Variants in EHF observed in about 807,000 individuals in gnomAD.
The protein encoded by EHF is ETS homologous factor.
A neutral mutation model predicts 45.1 loss-of-function variants in EHF; 14 were observed. The observed-to-expected ratio is 0.31, with a 90% confidence interval of 0.21 to 0.49. EHF has a LOEUF of 0.49. Ranked by LOEUF, EHF falls within the 20% of genes least tolerant of loss-of-function variation. The pLI, the probability that EHF is intolerant of heterozygous loss-of-function variation, is 0.99. For synonymous variants in EHF, 136 were observed against 131.8 expected, an observed-to-expected ratio of 1.03 and a Z score of -0.22; for missense variants, 282 against 371.4, an observed-to-expected ratio of 0.76 and a Z score of 1.98.
intron 6 of EHF, among the ~76,000 whole-genome samples, chr11:34,653,400 C>T (rs184212542): frequency 6.6e-6 from 1 of 152,178 alleles, no homozygotes; most frequent in Non-Finnish European, 1.5e-5. Context: ...TCAATAGGGG[C>T]CTTAGAGGCC....
chr11:34,624,310 C>T, intron 1 of EHF: 2 of 985,424 alleles, frequency 2.0e-6, no homozygotes, highest in African/African-American at 3.5e-5. Context: ...CTGTGGCTTT[C>T]AGCTTGGGTA....
At chr11:34,642,604 A>G in intron 1 of EHF, 24 bp from the exon 2 acceptor site, 1 of 1,477,206 alleles carries the variant, frequency 6.8e-7, no homozygotes, top group Non-Finnish European at 9.5e-7. Context: ...CACTGACTGA[A>G]CAGGCTGTTT....
Position 34,646,442 on chromosome 11 carries a change from C to A in EHF, c.101C>A (p.Ser34Tyr). 1 of 1,614,018 alleles carries A rather than the reference C, an allele frequency of 6.2e-7. No individual in the cohort carries two copies. The highest frequency in any genetic ancestry group is 8.5e-7 in the Non-Finnish European group (1 of 1,179,982). Reference sequence around the variant, plus strand: ...GAGGCTGCTTCCTGTTTTGCAGTTTCCAGTGGGTTTTTTGGAGGCCAGTGG... The same window carrying A: ...GAGGCTGCTTCCTGTTTTGCAGTTTACAGTGGGTTTTTTGGAGGCCAGTGG... ...WTDSYSTCNVSSGFFGGQWHE... is the reference protein window; with the variant it reads ...WTDSYSTCNVYSGFFGGQWHE... Residue 34 changes from serine (S) to tyrosine (Y), a missense_variant, in exon 3 of 9, where the codon TCC becomes TAC. Ser to Tyr is a moderately radical substitution (Grantham distance 144, BLOSUM62 -2). Around this residue, in one of 3 missense-constraint regions of EHF, gnomAD observed 213 missense variants for 247.3 expected, o/e 0.86. Coordinates refer to ENST00000257831, the MANE Select transcript of EHF (RefSeq NM_012153.6).
At chr11:34,642,802 A>C in intron 2 of EHF, 75 bp downstream of exon 2, 2 of 1,090,788 alleles carry the variant, frequency 1.8e-6, no homozygotes, top group Non-Finnish European at 2.8e-6. Context: ...TCACAACCTA[A>C]TGTTTGAAAA....
At chr11:34,641,643 G>A (rs187776018) in intron 1 of EHF, among the ~76,000 whole-genome samples, 117 of 152,222 alleles carry the variant, frequency 7.7e-4, no homozygotes, top group African/African-American at 2.0e-3. Flanking sequence ...ACAGCCTCTG[G>A]GTATTGCCCA....
intron 2 of EHF, among the ~76,000 whole-genome samples, chr11:34,645,534 G>A (rs980336545): frequency 1.4e-4 from 22 of 152,256 alleles, no homozygotes; most frequent in Admixed American, 6.5e-4. Context: ...AGAATAAGAC[G>A]GCACTTAGAG....
At chr11:34,658,456 G>A in intron 7 of EHF, 77 bp from the exon 8 acceptor site, 1 of 1,263,870 alleles carries the variant, frequency 7.9e-7, no homozygotes, top group Non-Finnish European at 1.1e-6. Flanking sequence ...GCAGGAAGAT[G>A]ACCTAACTCA....
At chr11:34,625,365 T>C (rs985756595) in intron 1 of EHF, among the ~76,000 whole-genome samples, 10 of 152,216 alleles carry the variant, frequency 6.6e-5, no homozygotes, top group African/African-American at 2.4e-4. Context: ...GCAGGTGCTC[T>C]ACTGGTGTCT....
At chr11:34,629,915 T>C (rs1852718330) in intron 1 of EHF, among the ~76,000 whole-genome samples, 1 of 152,072 alleles carries the variant, frequency 6.6e-6, no homozygotes, top group South Asian at 2.1e-4. Context: ...AAGTCTGAGG[T>C]GGCTTCAGAC....
chr11:34,628,486 C>T (rs1271339323), intron 1 of EHF, among the ~76,000 whole-genome samples: 1 of 152,182 alleles, frequency 6.6e-6, no homozygotes, highest in Non-Finnish European at 1.5e-5. Context: ...CATTCTCTCA[C>T]ACACGACTAA....
chr11:34,622,018 A>G (rs1170704364), intron 1 of EHF: 1 of 156,530 alleles, frequency 6.4e-6, no homozygotes, highest in Non-Finnish European at 1.4e-5. Context: ...TGTTTACTCC[A>G]TTTTGGGAGA....
intron 1 of EHF, among the ~76,000 whole-genome samples, chr11:34,621,451 ATT>A (rs1286326389): frequency 3.9e-5 from 6 of 151,980 alleles, no homozygotes; most frequent in African/African-American, 1.5e-4. Flanking sequence ...AATTTCCTGC[ATT>A]GTCTGGACTT....
chr11:34,653,203 G>A (rs1471674667), intron 6 of EHF, among the ~76,000 whole-genome samples: 2 of 149,654 alleles, frequency 1.3e-5, no homozygotes, highest in Non-Finnish European at 3.0e-5. Flanking sequence ...CTTCCACTTG[G>A]GTCTTTGACT....
intron 1 of EHF, among the ~76,000 whole-genome samples, chr11:34,638,414 G>A (rs1313227163): frequency 6.6e-6 from 1 of 152,148 alleles, no homozygotes; most frequent in Non-Finnish European, 1.5e-5. Flanking sequence ...GGGCTTTGAG[G>A]TGCCTTGTCT....
Position 34,659,995 on chromosome 11 carries a change from G to A in EHF, c.*1064G>A, listed in dbSNP as rs574319905. On this transcript the variant is annotated 3_prime_UTR_variant, in exon 9 of 9. Coordinates refer to ENST00000257831, the MANE Select transcript of EHF (RefSeq NM_012153.6). ...GGGGGTGGCAAATTTGCCCTTGATTGAGAACCACCAGTTTAGCTAGTCAAT... is the reference window on the plus strand; with the variant it reads ...GGGGGTGGCAAATTTGCCCTTGATTAAGAACCACCAGTTTAGCTAGTCAAT... The A allele has an allele frequency of 6.6e-6, 1 of 152,238 alleles. No individual in the cohort carries two copies. The highest frequency in any genetic ancestry group is 2.1e-4 in the South Asian group (1 of 4,822). The allele number at this position is 152,238 out of a possible 1,614,324, so 9.4% of individuals were successfully genotyped here. A position where few individuals can be genotyped will look rare whatever the true frequency, so the allele number is the denominator to read the frequency against.
At chr11:34,642,170 G>A (rs188653634) in intron 1 of EHF, 130 of 165,184 alleles carry the variant, frequency 7.9e-4, no homozygotes, top group African/African-American at 2.2e-3. Flanking sequence ...GTGCAGGTGC[G>A]ATTGCAGTCC....
Position 34,659,100 on chromosome 11 carries a change from A to T in EHF, c.*169A>T. Reference sequence around the variant, plus strand: ...AAGAAACACTACGGTCGATTAAAAAAATTATTTTGTTACTTCGAAGTATGT... The same window carrying T: ...AAGAAACACTACGGTCGATTAAAAATATTATTTTGTTACTTCGAAGTATGT... On this transcript the variant is annotated 3_prime_UTR_variant, in exon 9 of 9. Coordinates refer to ENST00000257831, the MANE Select transcript of EHF (RefSeq NM_012153.6). 1.8e-6 allele frequency: 1 copy of T among 560,258 alleles called. No individual in the cohort carries two copies. Among genetic ancestry groups the T allele is most frequent in the South Asian group, 2.7e-5 (1 of 37,272 alleles). 34.7% of individuals were successfully genotyped at this position (560,258 alleles called of 1,614,324 possible). A position where few individuals can be genotyped will look rare whatever the true frequency, so the allele number is the denominator to read the frequency against.
intron 3 of EHF, among the ~76,000 whole-genome samples, chr11:34,647,177 ATGTT>A (rs1456000180): frequency 1.3e-5 from 2 of 151,876 alleles, no homozygotes; most frequent in Non-Finnish European, 2.9e-5. Flanking sequence ...AATTAGAACT[ATGTT>A]TGTGTTTTGG....
intron 1 of EHF, among the ~76,000 whole-genome samples, chr11:34,626,495 A>C (rs77009281): frequency 6.6e-6 from 1 of 152,304 alleles, no homozygotes; most frequent in Non-Finnish European, 1.5e-5. Flanking sequence ...GCAATTTTCA[A>C]TCTTGTCATG....
Sources: gnomAD v4.1 joint callset for allele counts (sites outside exome capture counted in the v4.1 genomes callset) on GRCh38, gnomAD v4.1.1 for gene constraint, gnomAD v4.1.1 regional missense constraint, MANE v1.5 for transcripts, NCBI Gene and HGNC (gene_info 2026-07-23, HGNC 2026-07-21) for gene names.